The following TLN2 variants were observed in gnomAD, a reference collection of about 807,000 sequenced individuals.
TLN2 encodes the protein talin-2.
In TLN2, 118 loss-of-function variants were observed where a neutral mutation model predicts 294.7. The observed-to-expected ratio is 0.40, with a 90% confidence interval of 0.34 to 0.47. The LOEUF (loss-of-function observed/expected upper bound fraction) is 0.47. Among genes scored for constraint, TLN2 ranks in the 20% least tolerant of loss-of-function variants. The pLI is 0.84. For synonymous variants in TLN2, 1,431 were observed against 1,304.5 expected (o/e 1.10, Z -2.09); for missense variants, 3,083 against 3,282.2 (o/e 0.94, Z 1.48).
chr15:62,835,585 T>G (rs1458659555), intron 55 of TLN2, 152 bp from the exon 56 acceptor site: 11 of 782,194 alleles, frequency 1.4e-5, no homozygotes, highest in Non-Finnish European at 2.4e-5. Flanking sequence ...GAGTCCCACG[T>G]GAGAAAGGTT....
At chr15:62,652,888 G>C (rs2052755855) in intron 6 of TLN2, among the ~76,000 whole-genome samples, 1 of 152,074 alleles carries the variant, frequency 6.6e-6, no homozygotes, top group African/African-American at 2.4e-5. Context: ...CATTTTGGAA[G>C]AAAGAGGAAA....
chr15:62,620,836 T>C (rs556178044), intron 3 of TLN2, among the ~76,000 whole-genome samples: 6 of 108,338 alleles, frequency 5.5e-5, no homozygotes, highest in Admixed American at 2.7e-4. Context: ...TCTTTCTTTT[T>C]CTTTTTTTTT....
chr15:62,759,931 G>A (rs779105165), intron 37 of TLN2, among the ~76,000 whole-genome samples: 3 of 152,164 alleles, frequency 2.0e-5, no homozygotes, highest in East Asian at 1.9e-4. Context: ...GGTAAACCCC[G>A]ACCTCCAGGG....
At chr15:62,523,061 G>T (rs1051961045) in intron 1 of TLN2, among the ~76,000 whole-genome samples, 4 of 151,788 alleles carry the variant, frequency 2.6e-5, no homozygotes, top group Non-Finnish European at 5.9e-5. Flanking sequence ...GTCCTCAAAG[G>T]TTATCTATAG....
intron 32 of TLN2, among the ~76,000 whole-genome samples, chr15:62,748,036 T>G: frequency 6.6e-6 from 1 of 151,954 alleles, no homozygotes; most frequent in East Asian, 1.9e-4. Flanking sequence ...GACACACTGG[T>G]GTAACTTTTA....
chr15:62,699,898 A>G (rs979457293), intron 16 of TLN2, among the ~76,000 whole-genome samples: 1 of 152,212 alleles, frequency 6.6e-6, no homozygotes, highest in Non-Finnish European at 1.5e-5. Flanking sequence ...GGTGATTCTA[A>G]TGGCCAGTCA....
chr15:62,539,461 T>A (rs561376463), intron 1 of TLN2, among the ~76,000 whole-genome samples: 1 of 152,196 alleles, frequency 6.6e-6, no homozygotes, highest in African/African-American at 2.4e-5. Flanking sequence ...GCACCTTCAC[T>A]GGGAGGGGCT....
chr15:62,765,494 C>T (rs2062941359), intron 40 of TLN2, among the ~76,000 whole-genome samples: 1 of 152,244 alleles, frequency 6.6e-6, no homozygotes, highest in Non-Finnish European at 1.5e-5. Flanking sequence ...TGGCAGAGTT[C>T]ACTCAATTCC....
intron 3 of TLN2, among the ~76,000 whole-genome samples, chr15:62,632,539 CTGAT>C (rs1333671387): frequency 3.3e-5 from 5 of 152,220 alleles, no homozygotes; most frequent in Non-Finnish European, 7.3e-5. Context: ...CAGGCAGCAG[CTGAT>C]CTACTACATG....
At chr15:62,622,011 A>AT (rs2048876996) in intron 3 of TLN2, among the ~76,000 whole-genome samples, 1 of 151,938 alleles carries the variant, frequency 6.6e-6, no homozygotes, top group African/African-American at 2.4e-5. Flanking sequence ...GTAGAAAAAA[A>AT]CATGCTTTCC....
chr15:62,558,710 A>G (rs1276963036), intron 1 of TLN2, among the ~76,000 whole-genome samples: 1 of 152,192 alleles, frequency 6.6e-6, no homozygotes, highest in African/African-American at 2.4e-5. Context: ...AAGTGACAAC[A>G]CTAAGGAAAA....
At chr15:62,748,211 A>G (rs2061721972) in intron 32 of TLN2, 140 bp from the exon 33 acceptor site, 2 of 644,336 alleles carry the variant, frequency 3.1e-6, no homozygotes, top group South Asian at 1.9e-5. Flanking sequence ...TTGGTTGTGT[A>G]GAGCCTCTGC....
At chr15:62,814,181 T>C (rs2066901567) in intron 52 of TLN2, among the ~76,000 whole-genome samples, 2 of 151,896 alleles carry the variant, frequency 1.3e-5, no homozygotes, top group Admixed American at 1.3e-4. Context: ...TGAGAAAACA[T>C]GAACCAGTAG....
At chr15:62,705,960 T>C (rs1466329835) in intron 19 of TLN2, among the ~76,000 whole-genome samples, 1 of 152,260 alleles carries the variant, frequency 6.6e-6, no homozygotes, top group Non-Finnish European at 1.5e-5. Context: ...CATGGGTTTC[T>C]GGTTTAGCTG....
intron 33 of TLN2, among the ~76,000 whole-genome samples, chr15:62,749,379 T>C (rs903570601): frequency 4.6e-5 from 7 of 152,236 alleles, no homozygotes; most frequent in African/African-American, 1.7e-4. Context: ...TTTGCAAATA[T>C]AAATATGTAG....
chr15:62,506,870 A>G (rs2039647740), intron 1 of TLN2, among the ~76,000 whole-genome samples: 1 of 152,242 alleles, frequency 6.6e-6, no homozygotes, highest in Non-Finnish European at 1.5e-5. Flanking sequence ...TTACCAGGAA[A>G]GCAGAATGCT....
rs941650311 is a variant in TLN2 at position 62,725,085 on chromosome 15, A to T, written c.3236A>T (p.Lys1079Met). 8 of 1,612,452 alleles carry T rather than the reference A, an allele frequency of 5.0e-6. No individual in the cohort carries two copies. The highest frequency in any genetic ancestry group is 6.8e-6 in the Non-Finnish European group (8 of 1,179,368). ...ATGGCAGCCGTGGAGAGCCAGCTGA[A>T]GCCACTTCCAGGGGAAACGGTGAGC... ...AKMAAVESQL[K>M]PLPGETLEKC... Residue 1079 changes from lysine (K) to methionine (M), a missense_variant, in exon 27 of 59, where the codon AAG becomes ATG. By Grantham distance (95) the Lys-to-Met change is moderately conservative (BLOSUM62 -1). Transcript: ENST00000636159.
rs563804501 is a variant in TLN2 at position 62,503,104 on chromosome 15, T to G, written c.-237-86583T>G. 7.4e-3 allele frequency among the ~76,000 whole-genome samples: 1,128 copies of G among 151,988 alleles called. 7 individuals carry two copies. The highest frequency in any genetic ancestry group is 0.014 in the Middle Eastern group (4 of 290). On this transcript the variant is annotated intron_variant, in intron 1 of 58. Transcript: ENST00000636159. The stretch of plus-strand genomic sequence containing the variant: ...GTTTGTGTGGCCAGATTGCAGACTC[T>G]GCTACAACAGCGTCAACAAGTTCCC...
intron 1 of TLN2, among the ~76,000 whole-genome samples, chr15:62,398,949 A>G (rs1204446680): frequency 6.6e-6 from 1 of 152,106 alleles, no homozygotes; most frequent in African/African-American, 2.4e-5. Flanking sequence ...CCGGAGGCCT[A>G]GGAGGGAAAA....
Sources: gnomAD v4.1 joint callset for allele counts (sites outside exome capture counted in the v4.1 genomes callset) on GRCh38, gnomAD v4.1.1 for gene constraint, MANE v1.5 for transcripts, NCBI Gene and HGNC (gene_info 2026-07-23, HGNC 2026-07-21) for gene names.